DNAH17: variants seen among roughly 807,000 people sequenced by gnomAD.
The protein encoded by DNAH17 is axonemal beta dynein heavy chain 17.
A neutral mutation model predicts 485.6 loss-of-function variants in DNAH17; 376 were observed. That is an observed-to-expected ratio of 0.77 (90% CI 0.71 to 0.84). The LOEUF (loss-of-function observed/expected upper bound fraction) is 0.84, where lower values mean the gene tolerates loss of function less well. DNAH17 is among the 40% of genes least tolerant of loss of function. The pLI, the probability that DNAH17 is intolerant of heterozygous loss-of-function variation, is 0.00. For synonymous variants in DNAH17, 3,031 were observed against 2,405.9 expected (o/e 1.26, Z -7.60); for missense variants, 6,370 against 5,839.3 (o/e 1.09, Z -2.96).
intron 2 of DNAH17, among the ~76,000 whole-genome samples, chr17:78,573,615 GGT>G (rs1196746941): frequency 1.3e-4 from 19 of 145,052 alleles, no homozygotes; most frequent in Middle Eastern, 3.6e-3. Context: ...AAAAAAAAGA[GGT>G]GAGTAATTAA....
At chr17:78,505,493 G>C (rs1392106228) in intron 30 of DNAH17, 48 bp from the exon 31 acceptor site, 7 of 1,612,398 alleles carry the variant, frequency 4.3e-6, no homozygotes, top group Middle Eastern at 1.7e-4. Context: ...GATTTGAAAG[G>C]CATGTGCGTG....
chr17:78,425,073 C>G (rs1301553411), intron 80 of DNAH17: 1 of 353,376 alleles, frequency 2.8e-6, no homozygotes, highest in East Asian at 5.1e-5. Flanking sequence ...GAGCTGCTCT[C>G]TCACAAGCTC....
rs150140927 is a variant in DNAH17 at position 78,441,081 on chromosome 17, C to T, written c.11647G>A (p.Val3883Ile). ...TSIFFILSPGVDPLKDVEALG... is the reference protein window; with the variant it reads ...TSIFFILSPGIDPLKDVEALG... The stretch of plus-strand genomic sequence containing the variant: ...GCTTCCACGTCTTTCAAGGGGTCAA[C>T]CCCCGGGGAGAGGATGAAGAAGATT... The change falls in exon 72 of 81, where the codon GTT (valine) becomes ATT (isoleucine). Residue 3883 changes from valine to isoleucine, a missense_variant. By Grantham distance (29) the Val-to-Ile change is conservative. Transcript: ENST00000389840. 228 of 1,607,964 alleles carry T rather than the reference C, an allele frequency of 1.4e-4. No homozygotes were observed. In the Middle Eastern group the frequency reaches 2.6e-3, roughly 19 times the overall value.
intron 16 of DNAH17, among the ~76,000 whole-genome samples, chr17:78,549,708 C>T (rs1007861039): frequency 6.6e-5 from 10 of 152,142 alleles, no homozygotes; most frequent in Non-Finnish European, 1.3e-4. Context: ...TCCTCTGTAG[C>T]GGGTGGTGGG....
At chr17:78,544,337 G>T (rs1205134549) in intron 16 of DNAH17, among the ~76,000 whole-genome samples, 1 of 152,322 alleles carries the variant, frequency 6.6e-6, no homozygotes, top group Non-Finnish European at 1.5e-5. Context: ...GGACCCGAGC[G>T]TCGAGGAGTG....
At chr17:78,569,717 G>A (rs2092322667) in intron 7 of DNAH17, among the ~76,000 whole-genome samples, 190 bp from the exon 8 acceptor site, 1 of 152,304 alleles carries the variant, frequency 6.6e-6, no homozygotes, top group Admixed American at 6.5e-5. Flanking sequence ...CTCATCCTTT[G>A]CCAAGGCTGC....
chr17:78,516,018 G>A (rs944052910), intron 25 of DNAH17, among the ~76,000 whole-genome samples: 3 of 152,198 alleles, frequency 2.0e-5, no homozygotes, highest in Admixed American at 2.0e-4. Flanking sequence ...GTCATTGAGG[G>A]AATGAGAGAT....
chr17:78,568,318 A>G (rs570467726), intron 9 of DNAH17, among the ~76,000 whole-genome samples: 1 of 152,144 alleles, frequency 6.6e-6, no homozygotes, highest in South Asian at 2.1e-4. Flanking sequence ...TGAACTCCTG[A>G]GCGGGCCTCC....
intron 16 of DNAH17, among the ~76,000 whole-genome samples, chr17:78,547,412 TTC>T (rs2091792414): frequency 6.6e-6 from 1 of 152,168 alleles, no homozygotes; most frequent in African/African-American, 2.4e-5. Context: ...TGATTTTTGT[TTC>T]TGTGTGGGCT....
At chr17:78,442,044 T>C (rs778945546) in intron 71 of DNAH17, among the ~76,000 whole-genome samples, 13 of 151,688 alleles carry the variant, frequency 8.6e-5, no homozygotes, top group Non-Finnish European at 1.6e-4. Flanking sequence ...GATGGCGCCA[T>C]TGCACTCCAG....
chr17:78,438,441 AGGAG>A (rs1485867959), intron 73 of DNAH17, among the ~76,000 whole-genome samples: 8 of 93,998 alleles, frequency 8.5e-5, no homozygotes, highest in East Asian at 7.1e-4. Flanking sequence ...GAGGAGGAGG[AGGAG>A]GGAGGAGGGA....
rs2089240661 is a variant in DNAH17 at position 78,479,200 on chromosome 17, G to C, written c.7901-84C>G. ...AAGCCTCAAGTTTCTAAAGCCAATGGACTACGAAATGGTGACAACTGGAGT... is the reference window on the plus strand; with the variant it reads ...AAGCCTCAAGTTTCTAAAGCCAATGCACTACGAAATGGTGACAACTGGAGT... On this transcript the variant is annotated intron_variant, in intron 50 of 80. Coordinates refer to ENST00000389840, the MANE Select transcript of DNAH17 (RefSeq NM_173628.4). The C allele has an allele frequency of 2.2e-6, 3 of 1,373,180 alleles. No homozygotes were observed. The African/African-American group carries it at 4.3e-5, about 20-fold the overall frequency. The allele number at this position is 1,373,180 out of a possible 1,614,324, so 85.1% of individuals were successfully genotyped here. A position where few individuals can be genotyped will look rare whatever the true frequency, so the allele number is the denominator to read the frequency against.
chr17:78,486,640 CA>C, intron 44 of DNAH17, 134 bp from the exon 45 acceptor site: 5 of 1,151,166 alleles, frequency 4.3e-6, no homozygotes, highest in Non-Finnish European at 6.0e-6. Context: ...GCCTGCATGG[CA>C]ATGGGTCCAA....
At chr17:78,437,553 C>T (rs982646818) in intron 74 of DNAH17, 88 bp downstream of exon 74, 22 of 967,600 alleles carry the variant, frequency 2.3e-5, no homozygotes, top group Admixed American at 9.7e-5. Context: ...GAGTTCAGAG[C>T]GGTCCTCAGT....
rs188230653 is a variant in DNAH17 at position 78,457,511 on chromosome 17, G to A, written c.9977+1054C>T. Reference sequence around the variant, plus strand: ...TGTTGAAATAATATTTTGGATATTTGGGGTTAAATAAAATTATAACTGTTT... The same window carrying A: ...TGTTGAAATAATATTTTGGATATTTAGGGTTAAATAAAATTATAACTGTTT... On this transcript the variant is annotated intron_variant, in intron 62 of 80. Transcript: ENST00000389840. 3.8e-3 allele frequency among the ~76,000 whole-genome samples: 579 copies of A among 152,124 alleles called. 4 individuals carry two copies. The highest frequency in any genetic ancestry group is 6.6e-3 in the Non-Finnish European group (447 of 67,994).
At chr17:78,472,778 G>T (rs749339496) in intron 54 of DNAH17, 2 of 453,832 alleles carry the variant, frequency 4.4e-6, no homozygotes, top group Non-Finnish European at 4.4e-6. Context: ...CCTTCTCGTC[G>T]CACCTGCCCA....
intron 51 of DNAH17, among the ~76,000 whole-genome samples, chr17:78,477,910 C>A (rs898193332): frequency 6.6e-6 from 1 of 151,502 alleles, no homozygotes; most frequent in Admixed American, 6.6e-5. Flanking sequence ...ATCATCATTA[C>A]CACATCACCA....
At position 78,458,693 on chromosome 17, in the gene DNAH17, G is replaced by T. The variant is rs372743931; in HGVS notation, c.9862-13C>A. 7.3e-5 allele frequency: 117 copies of T among 1,609,868 alleles called. No homozygotes were observed. Among genetic ancestry groups the T allele is most frequent in the Non-Finnish European group, 9.4e-5 (111 of 1,176,242 alleles). On this transcript the variant is annotated splice_polypyrimidine_tract_variant and intron_variant, in intron 61 of 80. Transcript: ENST00000389840. Reference sequence around the variant, plus strand: ...TGGCGTTAAGTTCCTGCAAAACCAAGTTGGAAAGCTGCTGGAAAACCCCAC... The same window carrying T: ...TGGCGTTAAGTTCCTGCAAAACCAATTTGGAAAGCTGCTGGAAAACCCCAC...
At chr17:78,490,952 G>A (rs2089826793) in intron 43 of DNAH17, 105 bp from the exon 44 acceptor site, 1 of 1,382,198 alleles carries the variant, frequency 7.2e-7, no homozygotes, top group African/African-American at 1.4e-5. Context: ...CAAGGAGGAG[G>A]GGCCCAGGCC....
Sources: allele counts gnomAD v4.1 joint callset (sites outside exome capture counted in the v4.1 genomes callset), GRCh38; gene constraint gnomAD v4.1.1; transcripts MANE v1.5; gene names NCBI Gene and HGNC (gene_info 2026-07-23, HGNC 2026-07-21).